Variants in PEBP4 observed in about 807,000 individuals in gnomAD.
The protein encoded by PEBP4 is phosphatidylethanolamine binding protein 4, also known as phosphatidylethanolamine-binding protein 4.
Under a neutral mutation model 23.9 loss-of-function variants are expected in PEBP4, and 22 were observed. The observed-to-expected ratio is 0.92, with a 90% confidence interval of 0.66 to 1.31. The LOEUF (loss-of-function observed/expected upper bound fraction) is 1.31. PEBP4 is among the 40% of genes most tolerant of loss of function. The probability of loss-of-function intolerance (pLI) is 0.00; values close to 1 mark genes in which losing one functional copy is unlikely to be tolerated. For missense variants in PEBP4, 324 were observed against 281.7 expected (o/e 1.15, Z -1.07); for synonymous variants, 112 against 99.3 (o/e 1.13, Z -0.76).
chr8:22,862,120 TG>T lies in PEBP4; in HGVS notation c.259-44386del, dbSNP rs113366533. Reference sequence around the variant, plus strand: ...AAGCACTCCGGCTGAACTGAAGGTATGGGGTGACAACAGATCCCAGAGAAAG... The same window carrying T: ...AAGCACTCCGGCTGAACTGAAGGTATGGGTGACAACAGATCCCAGAGAAAG... On this transcript the variant is annotated intron_variant, in intron 3 of 6. Transcript: ENST00000256404. Among the ~76,000 whole-genome samples, 840 of 152,240 alleles carry T rather than the reference TG, an allele frequency of 5.5e-3. 12 individuals are homozygous for T. The highest frequency in any genetic ancestry group is 0.019 in the African/African-American group (797 of 41,518).
At chr8:22,899,755 C>G (rs1808674212) in intron 3 of PEBP4, among the ~76,000 whole-genome samples, 2 of 152,174 alleles carry the variant, frequency 1.3e-5, no homozygotes. Context: ...AGAGAAATCG[C>G]AGAATTCGTG....
intron 3 of PEBP4, among the ~76,000 whole-genome samples, chr8:22,830,811 C>T (rs1807070389): frequency 6.6e-6 from 1 of 152,178 alleles, no homozygotes; most frequent in African/African-American, 2.4e-5. Context: ...ACATCAACCA[C>T]CATCTTTTGT....
intron 4 of PEBP4, among the ~76,000 whole-genome samples, chr8:22,768,540 C>T (rs563134941): frequency 4.6e-5 from 7 of 152,286 alleles, no homozygotes; most frequent in East Asian, 1.9e-4. Context: ...GCCTCCGGTG[C>T]GGAGCTCATT....
At chr8:22,869,047 C>G (rs1477741846) in intron 3 of PEBP4, among the ~76,000 whole-genome samples, 1 of 152,240 alleles carries the variant, frequency 6.6e-6, no homozygotes, top group Admixed American at 6.5e-5. Context: ...ATTCCAGCCA[C>G]ACTGGCCTCC....
chr8:22,909,949 T>C (rs1808901661), intron 3 of PEBP4, among the ~76,000 whole-genome samples: 1 of 152,188 alleles, frequency 6.6e-6, no homozygotes, highest in African/African-American at 2.4e-5. Flanking sequence ...GGAAAAAGGC[T>C]ACAGCCAGGG....
At chr8:22,812,565 A>T (rs1806654386) in intron 4 of PEBP4, among the ~76,000 whole-genome samples, 1 of 152,234 alleles carries the variant, frequency 6.6e-6, no homozygotes, top group Non-Finnish European at 1.5e-5. Flanking sequence ...TCCTCACAGT[A>T]CAGGTCAAAG....
chr8:22,804,557 G>A (rs1021405388), intron 4 of PEBP4, among the ~76,000 whole-genome samples: 1 of 152,000 alleles, frequency 6.6e-6, no homozygotes, highest in Non-Finnish European at 1.5e-5. Context: ...GTACTACTAA[G>A]TATAGGCACC....
intron 3 of PEBP4, among the ~76,000 whole-genome samples, chr8:22,838,125 T>C (rs1807245342): frequency 6.6e-6 from 1 of 152,080 alleles, no homozygotes; most frequent in Non-Finnish European, 1.5e-5. Flanking sequence ...GGTCTGAAAC[T>C]CTTGGGCTCC....
At chr8:22,917,204 G>A (rs1340025800) in intron 3 of PEBP4, among the ~76,000 whole-genome samples, 1 of 152,058 alleles carries the variant, frequency 6.6e-6, no homozygotes, top group African/African-American at 2.4e-5. Context: ...TGGAAGCAAT[G>A]CACCATCCCC....
intron 4 of PEBP4, among the ~76,000 whole-genome samples, chr8:22,787,154 ATGTT>A (rs1178577287): frequency 6.6e-6 from 1 of 152,082 alleles, no homozygotes; most frequent in Non-Finnish European, 1.5e-5. Context: ...GGGGATTCTG[ATGTT>A]TGGGCAGGAG....
rs948273714 is a variant in PEBP4 at position 22,774,502 on chromosome 8, A to C, written c.357+43135T>G. Among the ~76,000 whole-genome samples, 48 of 152,174 alleles carry C rather than the reference A, an allele frequency of 3.2e-4. 1 individual carries two copies. The highest frequency in any genetic ancestry group is 1.2e-3 in the African/African-American group (48 of 41,436). On this transcript the variant is annotated intron_variant, in intron 4 of 6. Transcript: ENST00000256404. ...GGCAGCTGTCTACTCACTGACACAC[A>C]GGTTTGGCGCCAGCCTGTGCCAGGC...
At chr8:22,716,671 G>T (rs1804425618) in intron 6 of PEBP4, among the ~76,000 whole-genome samples, 1 of 152,202 alleles carries the variant, frequency 6.6e-6, no homozygotes, top group Admixed American at 6.5e-5. Context: ...GACAAACTCT[G>T]GACGGCTCCA....
chr8:22,825,086 A>G (rs1190790619), intron 3 of PEBP4, among the ~76,000 whole-genome samples: 1 of 152,222 alleles, frequency 6.6e-6, no homozygotes, highest in East Asian at 1.9e-4. Context: ...ATCTCTCTCA[A>G]TGCAATCAGG....
chr8:22,716,524 T>A (rs1804423194), intron 6 of PEBP4, among the ~76,000 whole-genome samples: 1 of 152,194 alleles, frequency 6.6e-6, no homozygotes, highest in South Asian at 2.1e-4. Flanking sequence ...GGAGCTTTAG[T>A]CCCAGGGACT....
At chr8:22,929,495 G>A (rs1004663885), upstream of PEBP4, among the ~76,000 whole-genome samples, 1 of 152,210 alleles carries the variant, frequency 6.6e-6, no homozygotes, top group Non-Finnish European at 1.5e-5. Context: ...CACTTCCAGT[G>A]GCGGTTCTTC....
intron 3 of PEBP4, chr8:22,884,470 G>A (rs764793405): frequency 1.3e-5 from 2 of 152,146 alleles, no homozygotes; most frequent in Admixed American, 1.3e-4. Flanking sequence ...GGGATGGCAC[G>A]GTTCACCTGG....
At chr8:22,916,517 G>T (rs1392518870) in intron 3 of PEBP4, among the ~76,000 whole-genome samples, 4 of 152,086 alleles carry the variant, frequency 2.6e-5, no homozygotes, top group African/African-American at 9.7e-5. Flanking sequence ...CCACCCCTAG[G>T]GGGAGGAGAG....
chr8:22,927,210 T>A (rs895058060), intron 2 of PEBP4, among the ~76,000 whole-genome samples: 2 of 152,132 alleles, frequency 1.3e-5, no homozygotes. Context: ...TGCCTCTTTG[T>A]TGGGGTTCTG....
At chr8:22,785,415 C>T (rs1018182752) in intron 4 of PEBP4, among the ~76,000 whole-genome samples, 7 of 152,114 alleles carry the variant, frequency 4.6e-5, no homozygotes, top group Non-Finnish European at 7.4e-5. Context: ...ACGGCCATTT[C>T]GAGACCCCAG....
Sources: allele counts gnomAD v4.1 joint callset (sites outside exome capture counted in the v4.1 genomes callset), GRCh38; gene constraint gnomAD v4.1.1; transcripts MANE v1.5; gene names NCBI Gene and HGNC (gene_info 2026-07-23, HGNC 2026-07-21).